Variants in ANLN observed in about 807,000 individuals in gnomAD.
ANLN encodes the protein anillin.
A neutral mutation model predicts 135.1 loss-of-function variants in ANLN; 59 were observed. The ratio of observed to expected loss-of-function variants is 0.44; its 90% CI spans 0.35 to 0.54. The LOEUF is 0.54. ANLN is among the 20% of genes least tolerant of loss of function. ANLN has a pLI of 0.00. For synonymous variants in ANLN, 406 were observed against 456.4 expected, an observed-to-expected ratio of 0.89 and a Z score of 1.41; for missense variants, 1,182 against 1,340.0, an observed-to-expected ratio of 0.88 and a Z score of 1.84.
intron 9 of ANLN, among the ~76,000 whole-genome samples, chr7:36,417,568 A>T (rs1787695480): frequency 6.6e-6 from 1 of 152,174 alleles, no homozygotes; most frequent in Non-Finnish European, 1.5e-5. Context: ...GACACTAGCT[A>T]CATGGAAGTA....
At chr7:36,426,839 G>T (rs1788098590) in intron 19 of ANLN, 77 bp from the exon 20 acceptor site, 2 of 765,194 alleles carry the variant, frequency 2.6e-6, no homozygotes, top group Non-Finnish European at 4.0e-6. Context: ...TTCTTCTACT[G>T]GGATGGGGTG....
intron 22 of ANLN, among the ~76,000 whole-genome samples, chr7:36,444,305 AT>A (rs1032737103): frequency 4.1e-5 from 6 of 147,028 alleles, no homozygotes; most frequent in East Asian, 2.0e-4. Flanking sequence ...AAAAAAAAAA[AT>A]GTTTTTGTTG....
intron 21 of ANLN, among the ~76,000 whole-genome samples, chr7:36,440,289 C>T (rs1026222846): frequency 3.9e-5 from 6 of 152,118 alleles, no homozygotes; most frequent in East Asian, 1.9e-4. Context: ...GGGAGAGAAA[C>T]GGAGAATCTA....
rs1028306322 is a variant in ANLN, at chr7:36,449,464, A to G, written c.3079-201A>G. 12 of 438,904 alleles carry G rather than the reference A, an allele frequency of 2.7e-5. No homozygotes were observed. The East Asian group carries it at 4.4e-4, about 16-fold the overall frequency. The allele number at this position is 438,904 out of a possible 1,614,324, so 27.2% of individuals were successfully genotyped here. On this transcript the variant is annotated intron_variant, in intron 22 of 23. Transcript: ENST00000265748. ...GATAGTTGGCAAGAGCTACCAGTTG[A>G]TATTTTTGGGTTTTATTTTTATGTC...
At chr7:36,393,032 G>A (rs1041401409) in intron 1 of ANLN, among the ~76,000 whole-genome samples, 10 of 144,922 alleles carry the variant, frequency 6.9e-5, no homozygotes, top group African/African-American at 1.0e-4. Flanking sequence ...TTCTTTTTTC[G>A]TTTTTTTTTT....
At chr7:36,429,256 T>C (rs1016678965) in intron 20 of ANLN, among the ~76,000 whole-genome samples, 5 of 152,168 alleles carry the variant, frequency 3.3e-5, no homozygotes, top group Non-Finnish European at 5.9e-5. Flanking sequence ...AGTCTCACTC[T>C]GTCACCCAAG....
At chr7:36,441,339 C>G (rs891542872) in intron 21 of ANLN, among the ~76,000 whole-genome samples, 1 of 151,138 alleles carries the variant, frequency 6.6e-6, no homozygotes. Context: ...TTCACACTTA[C>G]AAAAATGTAG....
At chr7:36,405,387 G>C (rs977252778) in intron 3 of ANLN, among the ~76,000 whole-genome samples, 21 of 152,236 alleles carry the variant, frequency 1.4e-4, no homozygotes, top group Admixed American at 5.9e-4. Context: ...TGTAGAGAAG[G>C]AGAGGGCTTA....
chr7:36,415,627 A>G (rs1373238098), intron 7 of ANLN, 131 bp from the exon 8 acceptor site: 21 of 1,012,742 alleles, frequency 2.1e-5, no homozygotes, highest in Non-Finnish European at 2.7e-5. Flanking sequence ...ATTCACATAC[A>G]CTATCTCTTT....
chr7:36,406,673 A>G, intron 4 of ANLN, 107 bp downstream of exon 4: 4 of 1,041,322 alleles, frequency 3.8e-6, no homozygotes, highest in Non-Finnish European at 5.2e-6. Flanking sequence ...TATGTTTTAT[A>G]ATAGATGCAT....
chr7:36,424,762 AG>A lies in ANLN; in HGVS notation c.2709+21del. 6.2e-7 allele frequency: 1 copy of A among 1,602,356 alleles called. No individual in the cohort carries two copies. Among genetic ancestry groups the A allele is most frequent in the Non-Finnish European group, 8.5e-7 (1 of 1,174,742 alleles). The stretch of plus-strand genomic sequence containing the variant: ...TCCAAGGTGAGAATTAAAGAAACCC[AG>A]TAAAAATATTTTCATCAGAAGTAAT... On this transcript the variant is annotated intron_variant, in intron 17 of 23. Coordinates refer to ENST00000265748, the MANE Select transcript of ANLN (RefSeq NM_018685.5).
intron 3 of ANLN, among the ~76,000 whole-genome samples, chr7:36,401,270 C>T (rs973137226): frequency 3.9e-5 from 6 of 152,164 alleles, no homozygotes; most frequent in African/African-American, 9.7e-5. Context: ...CCACAGTTAG[C>T]CAGCTCAAAT....
At chr7:36,440,758 A>G (rs71537985) in intron 21 of ANLN, among the ~76,000 whole-genome samples, 17,545 of 151,854 alleles carry the variant, frequency 0.12, 1,071 homozygotes, top group South Asian at 0.14. Context: ...TTTATTTGAT[A>G]CAGAATTTAC....
At chr7:36,417,831 C>T (rs562309536) in intron 9 of ANLN, among the ~76,000 whole-genome samples, 1 of 152,198 alleles carries the variant, frequency 6.6e-6, no homozygotes, top group East Asian at 1.9e-4. Context: ...GCGCTGCCCC[C>T]ACACCCAGCT....
At chr7:36,439,376 G>T in intron 21 of ANLN, 86 bp downstream of exon 21, 1 of 781,922 alleles carries the variant, frequency 1.3e-6, no homozygotes, top group South Asian at 1.8e-5. Flanking sequence ...AATCCTTTGT[G>T]ATTAAGTAAT....
intron 1 of ANLN, among the ~76,000 whole-genome samples, chr7:36,394,815 T>A (rs1010975051): frequency 2.0e-5 from 3 of 152,190 alleles, no homozygotes; most frequent in African/African-American, 7.2e-5. Context: ...TCTGCATACC[T>A]CCTTTAGTTG....
At chr7:36,439,182 A>G in intron 20 of ANLN, 22 bp from the exon 21 acceptor site, 1 of 1,392,118 alleles carries the variant, frequency 7.2e-7, no homozygotes, top group Non-Finnish European at 1.0e-6. Context: ...TTTTGCAAAT[A>G]ATTTACCTGT....
intron 8 of ANLN, 80 bp from the exon 9 acceptor site, chr7:36,417,000 A>G (rs2116637139): frequency 2.6e-6 from 2 of 770,564 alleles, no homozygotes; most frequent in East Asian, 3.0e-5. Flanking sequence ...ATCAGAAAAA[A>G]AAAACACACA....
At chr7:36,390,124 G>C in intron 1 of ANLN, 80 bp downstream of exon 1, 1 of 1,603,064 alleles carries the variant, frequency 6.2e-7, no homozygotes, top group Non-Finnish European at 8.5e-7. Flanking sequence ...ACCTCTGGGC[G>C]AACCCCCACC....
Sources: allele counts gnomAD v4.1 joint callset (sites outside exome capture counted in the v4.1 genomes callset), GRCh38; gene constraint gnomAD v4.1.1; transcripts MANE v1.5; gene names NCBI Gene and HGNC (gene_info 2026-07-23, HGNC 2026-07-21).